The following TASP1 variants were observed in gnomAD, a reference collection of about 807,000 sequenced individuals.
TASP1 encodes the protein taspase 1.
Under a neutral mutation model 56.6 loss-of-function variants are expected in TASP1, and 16 were observed. The ratio of observed to expected loss-of-function variants is 0.28; its 90% confidence interval spans 0.19 to 0.43. The LOEUF (loss-of-function observed/expected upper bound fraction) is 0.43. Among genes scored for constraint, TASP1 ranks in the 20% least tolerant of loss-of-function variants. TASP1 has a pLI of 1.00. For missense variants in TASP1, 393 were observed against 511.6 expected (o/e 0.77, Z 2.24); for synonymous variants, 179 against 184.2 (o/e 0.97, Z 0.23).
At chr20:13,555,992 G>A (rs1169228229) in intron 8 of TASP1, among the ~76,000 whole-genome samples, 2 of 152,086 alleles carry the variant, frequency 1.3e-5, no homozygotes, top group African/African-American at 2.4e-5. Flanking sequence ...AGGGGCTATT[G>A]GCATCAAGTA....
At chr20:13,602,654 G>A (rs896884120) in intron 4 of TASP1, among the ~76,000 whole-genome samples, 10 of 152,004 alleles carry the variant, frequency 6.6e-5, no homozygotes, top group African/African-American at 2.4e-4. Context: ...AGATCATCAG[G>A]CATTAGATTC....
At chr20:13,346,507 T>C in the TASP1 span, among the ~76,000 whole-genome samples, 1,183 of 152,276 alleles carry the variant, frequency 7.8e-3, 15 homozygotes, top group African/African-American at 0.026. Context: ...TCTAACCCAT[T>C]AGCGAAGCCA....
chr20:13,569,637 A>G (rs2046648656), intron 6 of TASP1, 51 bp from the exon 7 acceptor site: 1 of 1,475,504 alleles, frequency 6.8e-7, no homozygotes, highest in Non-Finnish European at 9.4e-7. Context: ...CTTCTCCTAC[A>G]TATTCAATAA....
chr20:13,299,291 G>A, the TASP1 span: 1 of 1,613,036 alleles, frequency 6.2e-7, no homozygotes, highest in Non-Finnish European at 8.5e-7. The surrounding 1 kb of genome is among the most constrained non-coding windows in gnomAD (Gnocchi z 5.8). Flanking sequence ...TCAGCACCGA[G>A]TTCTCCGCGG....
At chr20:13,346,145 G>C in the TASP1 span, among the ~76,000 whole-genome samples, 1 of 148,656 alleles carries the variant, frequency 6.7e-6, no homozygotes, top group African/African-American at 2.6e-5. Context: ...AAGGAAAAAA[G>C]ATACAAAGTC....
At chr20:13,145,861 A>G in the TASP1 span, among the ~76,000 whole-genome samples, 8 of 152,234 alleles carry the variant, frequency 5.3e-5, no homozygotes, top group Non-Finnish European at 1.0e-4. Context: ...CTGATCTTCA[A>G]CAAACTTGAC....
chr20:13,610,225 G>T (rs997777180), intron 4 of TASP1, among the ~76,000 whole-genome samples: 1 of 152,162 alleles, frequency 6.6e-6, no homozygotes, highest in Admixed American at 6.5e-5. Context: ...AATGCCATGG[G>T]ATTATGCATT....
chr20:13,371,512 C>T, the TASP1 span, among the ~76,000 whole-genome samples: 2 of 152,184 alleles, frequency 1.3e-5, no homozygotes, highest in African/African-American at 4.8e-5. Context: ...GATCAGAGGA[C>T]GTATATTGTA....
At chr20:13,322,330 TAAGAG>T in the TASP1 span, among the ~76,000 whole-genome samples, 1 of 152,162 alleles carries the variant, frequency 6.6e-6, no homozygotes, top group Non-Finnish European at 1.5e-5. Flanking sequence ...CGGGTTGTTC[TAAGAG>T]AAAAGACACA....
At chr20:13,331,786 T>C in the TASP1 span, among the ~76,000 whole-genome samples, 1 of 151,924 alleles carries the variant, frequency 6.6e-6, no homozygotes, top group African/African-American at 2.4e-5. Context: ...CTTTACTCCC[T>C]TCTTTATTTT....
chr20:13,566,807 A>C (rs2046545439), intron 7 of TASP1, among the ~76,000 whole-genome samples: 1 of 152,294 alleles, frequency 6.6e-6, no homozygotes, highest in Non-Finnish European at 1.5e-5. Context: ...GCGGAGAAAA[A>C]GTGCTTACAC....
At chr20:13,314,280 A>ACT in the TASP1 span, among the ~76,000 whole-genome samples, 1 of 152,078 alleles carries the variant, frequency 6.6e-6, no homozygotes, top group African/African-American at 2.4e-5. Context: ...AGTTCAGAGA[A>ACT]TAATGAGTGG....
chr20:13,609,686 C>CA (rs71188167), intron 4 of TASP1, among the ~76,000 whole-genome samples: 2,017 of 48,892 alleles, frequency 0.041, 41 homozygotes, highest in Non-Finnish European at 0.062. Flanking sequence ...AACTCTGTCT[C>CA]AAAAAAAAAA....
At chr20:13,129,135 G>A in the TASP1 span, among the ~76,000 whole-genome samples, 1 of 152,042 alleles carries the variant, frequency 6.6e-6, no homozygotes. Context: ...CCAAAGCACT[G>A]GGATTACAGG....
rs116830591 is a variant in TASP1 at position 13,599,840 on chromosome 20, T to C, written c.283-12470A>G. Among the ~76,000 whole-genome samples the C allele has an allele frequency of 6.9e-3, 1,046 of 151,336 alleles. 15 individuals carry two copies. The highest frequency in any genetic ancestry group is 0.024 in the African/African-American group (1,003 of 41,338). On this transcript the variant is annotated intron_variant, in intron 4 of 13. Transcript: ENST00000337743. ...AAACAAGGAATAGAAGGGAACTTTC[T>C]CAACCTTCTCAACCACATAAAAACT...
chr20:13,141,110 G>T, the TASP1 span, among the ~76,000 whole-genome samples: 1 of 152,202 alleles, frequency 6.6e-6, no homozygotes, highest in Admixed American at 6.5e-5. Context: ...GGAAAGAAAG[G>T]AGTACACTGG....
the TASP1 span, chr20:13,299,049 G>A: frequency 6.2e-7 from 1 of 1,613,822 alleles, no homozygotes; most frequent in East Asian, 2.2e-5. The surrounding 1 kb of genome is among the most constrained non-coding windows in gnomAD (Gnocchi z 5.8). Flanking sequence ...CTACCCCACT[G>A]AGGTGGCCTA....
chr20:13,417,164 TC>T (rs1414733284), intron 13 of TASP1, among the ~76,000 whole-genome samples: 2 of 152,162 alleles, frequency 1.3e-5, no homozygotes, highest in Admixed American at 1.3e-4. Flanking sequence ...TTTCCTCTTC[TC>T]TACTTATTCA....
At chr20:13,206,259 C>G in the TASP1 span, among the ~76,000 whole-genome samples, 1 of 152,144 alleles carries the variant, frequency 6.6e-6, no homozygotes, top group African/African-American at 2.4e-5. Flanking sequence ...TGGCATCTTC[C>G]CTCTCTGATG....
Sources: gnomAD v4.1 joint callset for allele counts (sites outside exome capture counted in the v4.1 genomes callset) on GRCh38, gnomAD v4.1.1 for gene constraint, Gnocchi (gnomAD v3.1) non-coding constraint, MANE v1.5 for transcripts, NCBI Gene and HGNC (gene_info 2026-07-23, HGNC 2026-07-21) for gene names.